Variants in OSBPL10 observed in about 807,000 individuals in gnomAD.
The protein encoded by OSBPL10 is oxysterol-binding protein-related protein 10.
A neutral mutation model predicts 81.7 loss-of-function variants in OSBPL10; 49 were observed. That is an observed-to-expected ratio of 0.60 (90% CI 0.48 to 0.76). The LOEUF (loss-of-function observed/expected upper bound fraction) is 0.76, where lower values mean the gene tolerates loss of function less well. Among genes scored for constraint, OSBPL10 ranks in the 30% least tolerant of loss-of-function variants. OSBPL10 has a pLI of 0.00. For missense variants in OSBPL10, 923 were observed against 987.8 expected, an observed-to-expected ratio of 0.93 and a Z score of 0.88; for synonymous variants, 419 against 383.6, an observed-to-expected ratio of 1.09 and a Z score of -1.08.
intron 8 of OSBPL10, among the ~76,000 whole-genome samples, chr3:31,675,873 G>T (rs1425599920): frequency 6.6e-6 from 1 of 150,794 alleles, no homozygotes; most frequent in Non-Finnish European, 1.5e-5. Flanking sequence ...GTGAACCTGG[G>T]AGGCGGAGCT....
In OSBPL10 at chr3:31,966,187, G is replaced by GTGTGTGTGTGTGTGTT. The variant is rs1196301101; in HGVS notation, c.281+14711_281+14712insAACACACACACACACA. Among the ~76,000 whole-genome samples the GTGTGTGTGTGTGTGTT allele has an allele frequency of 3.9e-5, 5 of 128,542 alleles. No homozygotes were observed. In the Admixed American group the frequency reaches 4.2e-4, roughly 11 times the overall value. 84.3% of individuals were successfully genotyped at this position (128,542 alleles called of 152,430 possible). On this transcript the variant is annotated intron_variant, in intron 1 of 11. Transcript: ENST00000396556. ...TGTGTGTGTGTGTGTGTGTGTGTGT[G>GTGTGTGTGTGTGTGTT]TGTGTGTATTCACACTTCTAAATAA...
chr3:31,808,985 C>T (rs1004529262), intron 4 of OSBPL10, among the ~76,000 whole-genome samples: 1 of 152,176 alleles, frequency 6.6e-6, no homozygotes, highest in Middle Eastern at 3.2e-3. Context: ...AATATATAAA[C>T]ACATACATCC....
At chr3:32,039,563 G>A (rs945802617) in intron 2 of OSBPL10, among the ~76,000 whole-genome samples, 1 of 151,740 alleles carries the variant, frequency 6.6e-6, no homozygotes, top group African/African-American at 2.4e-5. Context: ...GGAGGCTAAG[G>A]CAGGAGAATC....
At chr3:31,889,100 G>GA (rs1695818184) in intron 1 of OSBPL10, among the ~76,000 whole-genome samples, 1 of 151,918 alleles carries the variant, frequency 6.6e-6, no homozygotes, top group Admixed American at 6.6e-5. Flanking sequence ...TCACAATGAG[G>GA]AATCATCTAA....
At chr3:31,915,247 T>C (rs970064047) in intron 1 of OSBPL10, among the ~76,000 whole-genome samples, 3 of 152,112 alleles carry the variant, frequency 2.0e-5, no homozygotes, top group Admixed American at 2.0e-4. Flanking sequence ...TATTGGTGGT[T>C]TCCTGGAGTT....
intron 1 of OSBPL10, among the ~76,000 whole-genome samples, chr3:31,977,267 C>T (rs1245609522): frequency 6.6e-6 from 1 of 152,154 alleles, no homozygotes; most frequent in Non-Finnish European, 1.5e-5. Context: ...CCATCCTCTC[C>T]ACACCAGATC....
chr3:31,812,721 AGAAAGAAAGAAAGAAAGAAAGAAAG>A (rs1699716953), intron 4 of OSBPL10, among the ~76,000 whole-genome samples: 3 of 37,134 alleles, frequency 8.1e-5, no homozygotes, highest in South Asian at 1.4e-3. Flanking sequence ...GCAAAAAAAA[AGAAAGAAAGAAAGAAAGAAAGAAAG>A]AAAGAAAGAA....
chr3:31,685,797 A>T (rs1042002830), intron 7 of OSBPL10, among the ~76,000 whole-genome samples: 1 of 152,190 alleles, frequency 6.6e-6, no homozygotes, highest in African/African-American at 2.4e-5. Flanking sequence ...CTACTTCAGG[A>T]TTCCAACACC....
At chr3:31,743,877 T>C (rs945076943) in intron 5 of OSBPL10, among the ~76,000 whole-genome samples, 5 of 152,214 alleles carry the variant, frequency 3.3e-5, no homozygotes, top group Non-Finnish European at 5.9e-5. Flanking sequence ...TCAATGTGTG[T>C]CAGGCAGCTG....
intron 3 of OSBPL10, among the ~76,000 whole-genome samples, chr3:31,857,192 C>T (rs1405158830): frequency 6.6e-6 from 1 of 152,194 alleles, no homozygotes; most frequent in East Asian, 1.9e-4. Flanking sequence ...CAGCCAACCA[C>T]CCCAGCACCG....
chr3:31,804,656 G>A (rs1041809561), intron 4 of OSBPL10, among the ~76,000 whole-genome samples: 1 of 152,146 alleles, frequency 6.6e-6, no homozygotes, highest in Non-Finnish European at 1.5e-5. Context: ...TCCCACAGTG[G>A]CCATAACGTA....
intron 3 of OSBPL10, among the ~76,000 whole-genome samples, chr3:31,868,020 A>C (rs1701225745): frequency 6.6e-6 from 1 of 152,116 alleles, no homozygotes; most frequent in Non-Finnish European, 1.5e-5. Flanking sequence ...GCCCATGAAA[A>C]CAAAACGTGT....
At chr3:32,049,775 T>G (rs1249962781) in intron 1 of OSBPL10, among the ~76,000 whole-genome samples, 1 of 152,154 alleles carries the variant, frequency 6.6e-6, no homozygotes, top group Admixed American at 6.5e-5. Flanking sequence ...ATGGGAAAAC[T>G]TGAGAGCTGA....
chr3:31,746,679 CA>C (rs11338301), intron 5 of OSBPL10, among the ~76,000 whole-genome samples: 49,658 of 134,590 alleles, frequency 0.37, 8,485 homozygotes, highest in Middle Eastern at 0.45. Context: ...AACTCTGTCT[CA>C]AAAAAAAAAA....
At chr3:31,748,621 CT>C in intron 4 of OSBPL10, among the ~76,000 whole-genome samples, 1 of 138,714 alleles carries the variant, frequency 7.2e-6, no homozygotes, top group East Asian at 2.1e-4. Context: ...GAAACCAATG[CT>C]GAGCCCCCTT....
intron 4 of OSBPL10, among the ~76,000 whole-genome samples, chr3:31,810,473 T>C (rs1019270837): frequency 6.7e-5 from 10 of 148,258 alleles, no homozygotes; most frequent in Non-Finnish European, 1.3e-4. Context: ...AGATTGACAC[T>C]TTGACTATGA....
At chr3:31,669,634 C>T (rs1185604814) in intron 9 of OSBPL10, among the ~76,000 whole-genome samples, 1 of 152,124 alleles carries the variant, frequency 6.6e-6, no homozygotes, top group Non-Finnish European at 1.5e-5. Flanking sequence ...TGGAGATTTG[C>T]GACCTCTCTT....
chr3:31,789,948 A>G (rs1036147501), intron 4 of OSBPL10, among the ~76,000 whole-genome samples: 4 of 137,922 alleles, frequency 2.9e-5, no homozygotes, highest in South Asian at 2.2e-4. Context: ...CATGACACAC[A>G]TTTTTATTCT....
intron 1 of OSBPL10, among the ~76,000 whole-genome samples, chr3:31,953,476 C>T (rs1224363448): frequency 6.6e-6 from 1 of 152,000 alleles, no homozygotes; most frequent in East Asian, 1.9e-4. Flanking sequence ...GGCTTGATCA[C>T]AGCTCACTGC....
Sources: allele counts gnomAD v4.1 joint callset (sites outside exome capture counted in the v4.1 genomes callset), GRCh38; gene constraint gnomAD v4.1.1; transcripts MANE v1.5; gene names NCBI Gene and HGNC (gene_info 2026-07-23, HGNC 2026-07-21).